Variants in TMEM106C observed in about 807,000 individuals in gnomAD.
TMEM106C encodes transmembrane protein 106C.
Under a neutral mutation model 30.8 loss-of-function variants are expected in TMEM106C, and 27 were observed. That is an observed-to-expected ratio of 0.88 (90% CI 0.65 to 1.21). The LOEUF (loss-of-function observed/expected upper bound fraction) is 1.21. Ranked by LOEUF, TMEM106C falls within the 50% of genes most tolerant of loss-of-function variation. TMEM106C has a pLI of 0.00. For missense variants in TMEM106C, 288 were observed against 307.8 expected (o/e 0.94, Z 0.48); for synonymous variants, 123 against 118.8 (o/e 1.04, Z -0.23).
At chr12:47,964,685 GGAT>G in intron 2 of TMEM106C, 1 of 475,642 alleles carries the variant, frequency 2.1e-6, no homozygotes, top group Non-Finnish European at 3.8e-6. Context: ...CTGTGTTGTG[GGAT>G]TTGTTGACAG....
intron 3 of TMEM106C, 93 bp downstream of exon 3, chr12:47,965,438 CAT>C (rs1938190610): frequency 8.5e-7 from 1 of 1,183,334 alleles, no homozygotes; most frequent in Non-Finnish European, 1.2e-6. Flanking sequence ...GAAAACTACA[CAT>C]GTTCTTATAA....
chr12:47,967,110 G>T, intron 6 of TMEM106C, 98 bp from the exon 7 acceptor site: 1 of 1,264,196 alleles, frequency 7.9e-7, no homozygotes, highest in Non-Finnish European at 1.1e-6. Flanking sequence ...TCGGAAGGGG[G>T]AGGGGGGCAC....
chr12:47,967,340 C>CA, intron 7 of TMEM106C, 79 bp downstream of exon 7: 1 of 1,475,556 alleles, frequency 6.8e-7, no homozygotes, highest in Non-Finnish European at 9.5e-7. Flanking sequence ...CCCTGTGTGA[C>CA]CACAGGGCAG....
At chr12:47,966,465 A>G in intron 5 of TMEM106C, 1 of 695,346 alleles carries the variant, frequency 1.4e-6, no homozygotes, top group East Asian at 2.7e-5. Flanking sequence ...GCTACAAAAT[A>G]AGAAGCAGCA....
At chr12:47,966,518 G>A in intron 5 of TMEM106C, 165 bp from the exon 6 acceptor site, 1 of 776,610 alleles carries the variant, frequency 1.3e-6, no homozygotes, top group Non-Finnish European at 2.1e-6. Context: ...AAGGGAAGAG[G>A]TTGGCAGTAT....
intron 2 of TMEM106C, 137 bp from the exon 3 acceptor site, chr12:47,965,145 C>T: frequency 3.0e-6 from 2 of 665,214 alleles, no homozygotes. Flanking sequence ...TCATTAGACC[C>T]AACATGTGAA....
chr12:47,966,080 C>T lies in TMEM106C; in HGVS notation c.412-9C>T. ...ACTTACACTTGTTTCCTGACTTGCC[C>T]TGATGTAGGCCACCCTGAAAATCAG... On this transcript the variant is annotated splice_polypyrimidine_tract_variant and intron_variant, in intron 4 of 7. Transcript: ENST00000429772. 6.2e-7 allele frequency: 1 copy of T among 1,614,228 alleles called. No homozygotes were observed. Among genetic ancestry groups the T allele is most frequent in the South Asian group, 1.1e-5 (1 of 91,086 alleles).
chr12:47,965,666 A>G (rs1286814223), intron 3 of TMEM106C, 172 bp from the exon 4 acceptor site: 1 of 838,432 alleles, frequency 1.2e-6, no homozygotes, highest in Admixed American at 2.3e-5. Flanking sequence ...CAGTGTTTAA[A>G]GGAGTTTTAA....
chr12:47,964,007 C>G (rs1015036225), intron 1 of TMEM106C: 2 of 563,030 alleles, frequency 3.6e-6, no homozygotes, highest in South Asian at 2.0e-5. Flanking sequence ...CTCCCCACCC[C>G]CGCCGGCTGT....
At chr12:47,966,611 G>A in intron 5 of TMEM106C, 72 bp from the exon 6 acceptor site, 1 of 1,530,278 alleles carries the variant, frequency 6.5e-7, no homozygotes, top group African/African-American at 1.4e-5. Flanking sequence ...AAGGTCTTTG[G>A]ATTGCTAATA....
chr12:47,966,221 G>T lies in TMEM106C; in HGVS notation c.544G>T (p.Glu182Ter). The change falls in exon 5 of 8, where the codon GAG becomes TAG. Residue 182 changes from glutamate (E) to a stop codon, truncating the protein, a stop_gained. Coordinates refer to ENST00000429772, the MANE Select transcript of TMEM106C (RefSeq NM_001143842.2). LOFTEE classifies it high-confidence loss of function. ...CGTCTCCCTTATTCCACCTCGGAGT[G>T]AGCAACTGGTATGCTGTTCTTTTAG... ...TNVSLIPPRSEQLVNFTGKAE... is the reference protein window; with the variant it reads ...TNVSLIPPRS The T allele has an allele frequency of 6.2e-7, 1 of 1,614,004 alleles. No homozygotes were observed. The highest frequency in any genetic ancestry group is 1.1e-5 in the South Asian group (1 of 91,080).
intron 7 of TMEM106C, 78 bp downstream of exon 7, chr12:47,967,339 AC>A: frequency 6.8e-7 from 1 of 1,479,668 alleles, no homozygotes; most frequent in Non-Finnish European, 9.4e-7. Flanking sequence ...CCCCTGTGTG[AC>A]CACAGGGCAG....
At chr12:47,968,092 C>A in intron 7 of TMEM106C, 41 bp from the exon 8 acceptor site, 1 of 1,545,144 alleles carries the variant, frequency 6.5e-7, no homozygotes, top group Non-Finnish European at 8.9e-7. Flanking sequence ...TTATTTCATC[C>A]CCCAAACATA....
chr12:47,964,749 C>A, intron 2 of TMEM106C: 1 of 359,280 alleles, frequency 2.8e-6, no homozygotes, highest in East Asian at 6.6e-5. Flanking sequence ...TGCGGGGGAA[C>A]CATCTTGGAA....
chr12:47,968,451 C>A lies in TMEM106C; in HGVS notation c.*222C>A. Reference sequence around the variant, plus strand: ...GAATCAGTGCCTAGCCTGTGCCCAGCAAATAGTTGGCACTCAATAAAGATT... The same window carrying A: ...GAATCAGTGCCTAGCCTGTGCCCAGAAAATAGTTGGCACTCAATAAAGATT... On this transcript the variant is annotated 3_prime_UTR_variant, in exon 8 of 8. Coordinates refer to ENST00000429772, the MANE Select transcript of TMEM106C (RefSeq NM_001143842.2). 2 of 626,920 alleles carry A rather than the reference C, an allele frequency of 3.2e-6. No homozygotes were observed. Among genetic ancestry groups the A allele is most frequent in the Non-Finnish European group, 5.9e-6 (2 of 340,232 alleles). The allele number at this position is 626,920 out of a possible 1,614,324, so 38.8% of individuals were successfully genotyped here.
intron 1 of TMEM106C, 183 bp from the exon 2 acceptor site, chr12:47,964,026 G>T: frequency 1.7e-6 from 1 of 586,600 alleles, no homozygotes; most frequent in Non-Finnish European, 3.0e-6. Context: ...GTGTGTGGCG[G>T]GTAAGAGGAG....
chr12:47,968,824 T>A lies in TMEM106C; in HGVS notation c.*595T>A, dbSNP rs962521976. 11 of 157,354 alleles carry A rather than the reference T, an allele frequency of 7.0e-5. 1 individual carries two copies. The highest frequency in any genetic ancestry group is 2.7e-4 in the African/African-American group (11 of 41,428). 9.7% of individuals were successfully genotyped at this position (157,354 alleles called of 1,614,324 possible). ...GGGGCTTGATTCACCCTTCATCCATTGGCTGGAACATGGATTGGGGATTTG... is the reference window on the plus strand; with the variant it reads ...GGGGCTTGATTCACCCTTCATCCATAGGCTGGAACATGGATTGGGGATTTG... On this transcript the variant is annotated 3_prime_UTR_variant, in exon 8 of 8. Coordinates refer to ENST00000429772, the MANE Select transcript of TMEM106C (RefSeq NM_001143842.2).
chr12:47,968,238 A>G lies in TMEM106C; in HGVS notation c.*9A>G, dbSNP rs374692899. The stretch of plus-strand genomic sequence containing the variant: ...ATTCCACAGCTATTTAACAACTGCT[A>G]TTGGTTCTTCCACACAGCGCCTGTA... On this transcript the variant is annotated 3_prime_UTR_variant, in exon 8 of 8. Coordinates refer to ENST00000429772, the MANE Select transcript of TMEM106C (RefSeq NM_001143842.2). 47 of 1,601,554 alleles carry G rather than the reference A, an allele frequency of 2.9e-5. 1 individual carries two copies. The African/African-American group carries it at 4.4e-4, about 15-fold the overall frequency.
chr12:47,965,471 C>A, intron 3 of TMEM106C, 126 bp downstream of exon 3: 2 of 920,538 alleles, frequency 2.2e-6, no homozygotes, highest in Non-Finnish European at 3.4e-6. Context: ...TTCCTTATAA[C>A]TGTTTGCCCA....
Sources: gnomAD v4.1 joint callset for allele counts on GRCh38, gnomAD v4.1.1 for gene constraint, MANE v1.5 for transcripts, NCBI Gene and HGNC (gene_info 2026-07-23, HGNC 2026-07-21) for gene names.